TMEM135: variants seen among roughly 807,000 people sequenced by gnomAD.
The protein encoded by TMEM135 is transmembrane protein 135.
In TMEM135, 30 loss-of-function variants were observed where a neutral mutation model predicts 60.3. The observed-to-expected ratio is 0.50, with a 90% CI of 0.37 to 0.68. TMEM135 has a LOEUF of 0.68. Ranked by LOEUF, TMEM135 falls within the 30% of genes least tolerant of loss-of-function variation. The pLI, the probability that TMEM135 is intolerant of heterozygous loss-of-function variation, is 0.00. For missense variants in TMEM135, 468 were observed against 548.8 expected, an observed-to-expected ratio of 0.85 and a Z score of 1.47; for synonymous variants, 190 against 186.7, an observed-to-expected ratio of 1.02 and a Z score of -0.14.
At chr11:87,262,323 A>G (rs1422515348) in intron 6 of TMEM135, among the ~76,000 whole-genome samples, 2 of 152,186 alleles carry the variant, frequency 1.3e-5, no homozygotes, top group Non-Finnish European at 2.9e-5. Flanking sequence ...ATATTGCCAG[A>G]TTGTCCTCCA....
At chr11:87,159,767 G>A (rs896588753) in intron 5 of TMEM135, among the ~76,000 whole-genome samples, 4 of 152,150 alleles carry the variant, frequency 2.6e-5, no homozygotes, top group Non-Finnish European at 4.4e-5. Context: ...AATAGTTTAA[G>A]TTGAGTCTGG....
Position 87,242,322 on chromosome 11 carries a change from G to A in TMEM135, c.509+5638G>A, listed in dbSNP as rs191793798. 5.8e-3 allele frequency among the ~76,000 whole-genome samples: 884 copies of A among 151,862 alleles called. 7 individuals are homozygous for A. Among genetic ancestry groups the A allele is most frequent in the African/African-American group, 0.02 (818 of 41,372 alleles). Reference sequence around the variant, plus strand: ...TGCCGCAATAAACATACACGTGCATGTGTCTTTATAGCAGCATGTTTTATA... The same window carrying A: ...TGCCGCAATAAACATACACGTGCATATGTCTTTATAGCAGCATGTTTTATA... On this transcript the variant is annotated intron_variant, in intron 6 of 14. Coordinates refer to ENST00000305494, the MANE Select transcript of TMEM135 (RefSeq NM_022918.4).
chr11:87,060,268 T>G (rs1204636034), intron 1 of TMEM135, among the ~76,000 whole-genome samples: 2 of 152,340 alleles, frequency 1.3e-5, no homozygotes, highest in Non-Finnish European at 2.9e-5. Context: ...CCATCTTCTT[T>G]CCTCTTTATT....
intron 3 of TMEM135, among the ~76,000 whole-genome samples, chr11:87,089,397 G>A (rs917453521): frequency 3.3e-5 from 5 of 152,060 alleles, no homozygotes; most frequent in Admixed American, 6.5e-5. Flanking sequence ...AGTAGGCATG[G>A]TAGTGTGCAC....
intron 5 of TMEM135, among the ~76,000 whole-genome samples, chr11:87,199,469 C>T (rs976506608): frequency 7.9e-5 from 12 of 152,234 alleles, no homozygotes; most frequent in African/African-American, 2.9e-4. Context: ...TTTAGAACTA[C>T]TGTCAATGAA....
At chr11:87,201,004 T>C (rs1242574084) in intron 5 of TMEM135, among the ~76,000 whole-genome samples, 1 of 152,228 alleles carries the variant, frequency 6.6e-6, no homozygotes. Flanking sequence ...TATTAATCCA[T>C]GGTATTCTTT....
intron 4 of TMEM135, among the ~76,000 whole-genome samples, chr11:87,156,591 C>T (rs898763174): frequency 4.6e-5 from 7 of 151,784 alleles, no homozygotes; most frequent in African/African-American, 1.7e-4. Flanking sequence ...TTTATTTTTC[C>T]CTAGGAGTTT....
At chr11:87,251,147 G>A (rs1941407776) in intron 6 of TMEM135, among the ~76,000 whole-genome samples, 3 of 152,128 alleles carry the variant, frequency 2.0e-5, no homozygotes, top group Admixed American at 1.3e-4. Context: ...ATGGGTAACA[G>A]TTGGGTATTC....
In TMEM135 at chr11:87,321,244, G is replaced by T. The variant is rs759818439; in HGVS notation, c.1288G>T (p.Gly430Cys). 21 of 1,613,476 alleles carry T rather than the reference G, an allele frequency of 1.3e-5. No homozygotes were observed. The highest frequency in any genetic ancestry group is 1.7e-5 in the Non-Finnish European group (20 of 1,179,598). ...AAAAGTCCTTGATGTTTTTGGTACT[G>T]GTGCATCTAAACACTTTCAGGATTT... is the stretch of plus-strand genomic sequence containing the variant. ...NRKVLDVFGT[G>C]ASKHFQDFIP... The change falls in exon 15 of 15, where the codon GGT (glycine) becomes TGT (cysteine). Residue 430 changes from glycine (G) to cysteine (C), a missense_variant. Physicochemically the swap from Gly to Cys is radical, Grantham distance 159 (BLOSUM62 -3). Coordinates refer to ENST00000305494, the MANE Select transcript of TMEM135 (RefSeq NM_022918.4).
Position 87,259,098 on chromosome 11 carries a change from C to A in TMEM135, c.509+22414C>A, listed in dbSNP as rs577043884. The A allele has an allele frequency of 4.5e-4, 449 of 987,116 alleles. 1 individual carries two copies. Among genetic ancestry groups the A allele is most frequent in the Non-Finnish European group, 6.4e-4 (402 of 625,476 alleles). 61.1% of individuals were successfully genotyped at this position (987,116 alleles called of 1,614,324 possible). A position where few individuals can be genotyped will look rare whatever the true frequency, so the allele number is the denominator to read the frequency against. ...GAAAGAAGAGGTTCTGGCCGCAGAC[C>A]GGACCCTCTTCGGAAACATCTCCAT... On this transcript the variant is annotated intron_variant, in intron 6 of 14. Coordinates refer to ENST00000305494, the MANE Select transcript of TMEM135 (RefSeq NM_022918.4).
intron 5 of TMEM135, 99 bp from the exon 6 acceptor site, chr11:87,236,539 G>T: frequency 1.0e-6 from 1 of 993,118 alleles, no homozygotes; most frequent in Non-Finnish European, 1.6e-6. Context: ...TCCTTTTATT[G>T]TTTCAGGCAC....
At chr11:87,080,689 T>A (rs1409158962) in intron 3 of TMEM135, among the ~76,000 whole-genome samples, 1 of 152,202 alleles carries the variant, frequency 6.6e-6, no homozygotes, top group Non-Finnish European at 1.5e-5. Flanking sequence ...TTGATTTTTT[T>A]ATTTCTTATT....
intron 6 of TMEM135, among the ~76,000 whole-genome samples, chr11:87,278,229 A>G (rs752376716): frequency 3.9e-5 from 6 of 152,138 alleles, no homozygotes; most frequent in Non-Finnish European, 7.4e-5. Flanking sequence ...CTTTTCCCTA[A>G]AACCATCTTT....
chr11:87,291,770 TA>T, intron 6 of TMEM135, among the ~76,000 whole-genome samples: 1 of 152,088 alleles, frequency 6.6e-6, no homozygotes, highest in South Asian at 2.1e-4. Flanking sequence ...CTTAAACTCC[TA>T]ACCTCAGGTG....
At chr11:87,221,538 G>A (rs776517525) in intron 5 of TMEM135, among the ~76,000 whole-genome samples, 1 of 152,176 alleles carries the variant, frequency 6.6e-6, no homozygotes, top group Non-Finnish European at 1.5e-5. Context: ...CTGATTGCCT[G>A]TTGTGTTTTA....
chr11:87,294,504 C>T (rs569284608), intron 6 of TMEM135, among the ~76,000 whole-genome samples: 16 of 152,216 alleles, frequency 1.1e-4, no homozygotes, highest in Non-Finnish European at 1.9e-4. Context: ...CAGCGTCAGC[C>T]TCCCGAGTAG....
rs34461814 is a variant in TMEM135, at chr11:87,097,000, C to CTT, written c.396+5617_396+5618dup. 1.5e-3 allele frequency among the ~76,000 whole-genome samples: 211 copies of CTT among 143,668 alleles called. 1 individual carries two copies. In the East Asian group the frequency reaches 0.018, roughly 12 times the overall value. The allele number at this position is 143,668 out of a possible 152,430, so 94.3% of individuals were successfully genotyped here. On this transcript the variant is annotated intron_variant, in intron 4 of 14. Transcript: ENST00000305494. ...CAGTAGAGTATTCCTGGAAGCCACT[C>CTT]TTTTTTTTTTTTTCAAGACAGGGTC...
chr11:87,120,745 C>T (rs3103383), intron 4 of TMEM135, among the ~76,000 whole-genome samples: 52,768 of 151,736 alleles, frequency 0.35, 9,578 homozygotes, highest in East Asian at 0.62. Context: ...GGATTACAAA[C>T]GGGAATTTCA....
At chr11:87,236,723 C>A in intron 6 of TMEM135, 39 bp downstream of exon 6, 2 of 1,563,684 alleles carry the variant, frequency 1.3e-6, no homozygotes, top group Non-Finnish European at 8.8e-7. Context: ...ATACCCCAAA[C>A]AGTATCTCTT....
Sources: gnomAD v4.1 joint callset for allele counts (sites outside exome capture counted in the v4.1 genomes callset) on GRCh38, gnomAD v4.1.1 for gene constraint, MANE v1.5 for transcripts, NCBI Gene and HGNC (gene_info 2026-07-23, HGNC 2026-07-21) for gene names.